The following ASB4 variants were observed in gnomAD, a reference collection of about 807,000 sequenced individuals.
ASB4 encodes the protein ankyrin repeat and SOCS box containing 4.
Under a neutral mutation model 38.6 loss-of-function variants are expected in ASB4, and 35 were observed. That is an observed-to-expected ratio of 0.91 (90% CI 0.69 to 1.20). The LOEUF (loss-of-function observed/expected upper bound fraction) is 1.20, where lower values mean the gene tolerates loss of function less well. Among genes scored for constraint, ASB4 ranks in the 50% most tolerant of loss-of-function variants. The pLI is 0.00. For synonymous variants in ASB4, 195 were observed against 201.3 expected, an observed-to-expected ratio of 0.97 and a Z score of 0.26; for missense variants, 557 against 527.2, an observed-to-expected ratio of 1.06 and a Z score of -0.55.
chr7:95,495,362 C>G (rs574883981), intron 1 of ASB4, among the ~76,000 whole-genome samples: 45 of 152,234 alleles, frequency 3.0e-4, no homozygotes, highest in African/African-American at 1.0e-3. Flanking sequence ...GACAAACTCT[C>G]AATGATTGAA....
Position 95,485,960 on chromosome 7 carries a change from G to T in ASB4, c.-12G>T, listed in dbSNP as rs778941042. 1 of 1,611,834 alleles carries T rather than the reference G, an allele frequency of 6.2e-7. No individual in the cohort carries two copies. Among genetic ancestry groups the T allele is most frequent in the South Asian group, 1.1e-5 (1 of 90,902 alleles). The stretch of plus-strand genomic sequence containing the variant: ...GATAAATCACAACAAAGCTTCCAGA[G>T]GGAGAGGAAGGATGGACGGCACCAC... On this transcript the variant is annotated 5_prime_UTR_variant, in exon 1 of 5. It adds an upstream start codon to the 5' untranslated region. Transcript: ENST00000325885.
upstream of ASB4, among the ~76,000 whole-genome samples, chr7:95,484,957 T>C (rs201119405): frequency 5.6e-5 from 7 of 124,620 alleles, no homozygotes; most frequent in South Asian, 3.1e-4. Flanking sequence ...TACACACACA[T>C]ATATATATGT....
At chr7:95,503,480 G>T (rs1790368115) in intron 2 of ASB4, among the ~76,000 whole-genome samples, 1 of 152,224 alleles carries the variant, frequency 6.6e-6, no homozygotes, top group African/African-American at 2.4e-5. Flanking sequence ...AGCCCTGAGT[G>T]CATGGATGGG....
upstream of ASB4, among the ~76,000 whole-genome samples, chr7:95,477,951 T>C (rs1474338378): frequency 2.6e-5 from 4 of 152,244 alleles, no homozygotes; most frequent in Admixed American, 2.6e-4. Context: ...TCCCATAGTT[T>C]TGGTGTTGTG....
intron 2 of ASB4, among the ~76,000 whole-genome samples, chr7:95,501,433 C>T (rs904913947): frequency 6.6e-6 from 1 of 152,112 alleles, no homozygotes; most frequent in African/African-American, 2.4e-5. Flanking sequence ...CATTTTAATC[C>T]GAAATAGATA....
the ASB4 span, among the ~76,000 whole-genome samples, chr7:95,471,167 C>T: frequency 6.6e-6 from 1 of 152,168 alleles, no homozygotes; most frequent in Non-Finnish European, 1.5e-5. Context: ...GCACCATGAC[C>T]TAGGGAGGAC....
At chr7:95,479,979 G>A (rs544009243) in intron 1 of ASB4, among the ~76,000 whole-genome samples, 2 of 152,308 alleles carry the variant, frequency 1.3e-5, no homozygotes, top group African/African-American at 4.8e-5. Flanking sequence ...TATCAGCATA[G>A]CTTATTCCCG....
chr7:95,507,817 A>C (rs180868831), intron 2 of ASB4, among the ~76,000 whole-genome samples: 2 of 152,294 alleles, frequency 1.3e-5, no homozygotes, highest in African/African-American at 4.8e-5. Flanking sequence ...AGGAGGGAGA[A>C]GTCAGAAGTG....
chr7:95,548,075 T>G, the ASB4 span, among the ~76,000 whole-genome samples: 1 of 152,244 alleles, frequency 6.6e-6, no homozygotes, highest in African/African-American at 2.4e-5. Context: ...ATGTTTCCAT[T>G]TCCCTTGGGC....
In ASB4 at chr7:95,537,837, G is replaced by T; in HGVS notation, c.*78G>T. On this transcript the variant is annotated 3_prime_UTR_variant, in exon 5 of 5. Coordinates refer to ENST00000325885, the MANE Select transcript of ASB4 (RefSeq NM_016116.3). ...TAGACACAGTTTGCCTAAATAAAAT[G>T]GTACTTGGGTTGATTATAACACTTC... 8.0e-7 allele frequency: 1 copy of T among 1,256,404 alleles called. No individual in the cohort carries two copies. The highest frequency in any genetic ancestry group is 2.4e-5 in the East Asian group (1 of 42,524). 77.8% of individuals were successfully genotyped at this position (1,256,404 alleles called of 1,614,324 possible).
rs199528876 is a variant in ASB4 at position 95,493,361 on chromosome 7, A to AGTGTGTGTGT, written c.188-2376_188-2367dup. On this transcript the variant is annotated intron_variant, in intron 1 of 4. Transcript: ENST00000325885. ...CTGAATGGAGTAAAAAAGAGATGAA[A>AGTGTGTGTGT]GTGTGTGTGTGTGTGTGTGTGTGTG... Among the ~76,000 whole-genome samples the AGTGTGTGTGT allele has an allele frequency of 5.0e-5, 6 of 120,702 alleles. No individual in the cohort carries two copies. In the South Asian group the frequency reaches 1.1e-3, roughly 21 times the overall value. The allele number at this position is 120,702 out of a possible 152,430, so 79.2% of individuals were successfully genotyped here. A position where few individuals can be genotyped will look rare whatever the true frequency, so the allele number is the denominator to read the frequency against.
chr7:95,532,322 A>G (rs764793377), intron 3 of ASB4, among the ~76,000 whole-genome samples: 25 of 152,204 alleles, frequency 1.6e-4, no homozygotes, highest in Non-Finnish European at 2.9e-4. Context: ...ACTGAAAGCC[A>G]ATGTGTAAAT....
the ASB4 span, among the ~76,000 whole-genome samples, chr7:95,550,890 G>GA: frequency 1.3e-5 from 2 of 152,064 alleles, no homozygotes; most frequent in South Asian, 2.1e-4. Flanking sequence ...CTTCCCCAAA[G>GA]TTTTCTTAAA....
chr7:95,537,429 T>A, intron 4 of ASB4, 142 bp from the exon 5 acceptor site: 1 of 558,852 alleles, frequency 1.8e-6, no homozygotes, highest in South Asian at 4.5e-5. Context: ...CCCATTTCAA[T>A]ATTGCGTTTA....
chr7:95,508,930 T>A (rs1473041600), intron 2 of ASB4, among the ~76,000 whole-genome samples: 1 of 152,152 alleles, frequency 6.6e-6, no homozygotes, highest in African/African-American at 2.4e-5. Context: ...GATATGTGAA[T>A]CAGTGATTTC....
intron 1 of ASB4, 41 bp downstream of exon 1, chr7:95,486,199 G>A (rs753065529): frequency 1.9e-5 from 29 of 1,528,954 alleles, no homozygotes; most frequent in Non-Finnish European, 2.6e-5. Flanking sequence ...GTTAGAAAAT[G>A]ATTTAAAAAA....
chr7:95,483,828 A>G (rs1009584940), upstream of ASB4, among the ~76,000 whole-genome samples: 12 of 152,194 alleles, frequency 7.9e-5, no homozygotes, highest in Non-Finnish European at 1.6e-4. Context: ...TAACAATAGC[A>G]TAAAACAGAC....
At chr7:95,514,173 G>A (rs1042137178) in intron 2 of ASB4, among the ~76,000 whole-genome samples, 1 of 151,926 alleles carries the variant, frequency 6.6e-6, no homozygotes, top group Non-Finnish European at 1.5e-5. Context: ...TTTGAATACA[G>A]GTCTCTCACC....
chr7:95,513,142 G>A (rs188889220), intron 2 of ASB4, among the ~76,000 whole-genome samples: 19 of 152,012 alleles, frequency 1.2e-4, no homozygotes, highest in Admixed American at 1.1e-3. Flanking sequence ...CCATGGTCAC[G>A]AAATGTGGGA....
Sources: allele counts gnomAD v4.1 joint callset (sites outside exome capture counted in the v4.1 genomes callset), GRCh38; gene constraint gnomAD v4.1.1; transcripts MANE v1.5; gene names NCBI Gene and HGNC (gene_info 2026-07-23, HGNC 2026-07-21).